The following RTN1 variants were observed in gnomAD, a reference collection of about 807,000 sequenced individuals.
RTN1 encodes reticulon 1.
In RTN1, 25 loss-of-function variants were observed where a neutral mutation model predicts 65.5. The observed-to-expected ratio is 0.38, with a 90% CI of 0.28 to 0.53. RTN1 has a LOEUF of 0.53. RTN1 is among the 20% of genes least tolerant of loss of function. The pLI is 0.79. For synonymous variants in RTN1, 471 were observed against 447.6 expected (o/e 1.05, Z -0.66); for missense variants, 983 against 1,025.4 (o/e 0.96, Z 0.57).
chr14:59,750,186 C>CTATAATAT (rs1566713277), intron 1 of RTN1, among the ~76,000 whole-genome samples: 25 of 32,302 alleles, frequency 7.7e-4, no homozygotes, highest in African/African-American at 5.3e-3. Context: ...ATATATAATA[C>CTATAATAT]ATATATTATA....
At position 59,728,249 on chromosome 14, in the gene RTN1, CTTTTTTTTTTTT is replaced by C. The variant is rs200434592; in HGVS notation, c.1016-593_1016-582del. ...TTATATTTCCAATAAGAATCAGTAT[CTTTTTTTTTTTT>C]TTTTTTTTTTTTTGCAACTAAGTGG... On this transcript the variant is annotated intron_variant, in intron 2 of 8. Coordinates refer to ENST00000267484, the MANE Select transcript of RTN1 (RefSeq NM_021136.3). Among the ~76,000 whole-genome samples the C allele has an allele frequency of 2.3e-3, 289 of 124,172 alleles. 3 individuals carry two copies. In the East Asian group the frequency reaches 0.034, roughly 14 times the overall value. The allele number at this position is 124,172 out of a possible 152,430, so 81.5% of individuals were successfully genotyped here.
chr14:59,757,226 T>G (rs573773919), intron 1 of RTN1, among the ~76,000 whole-genome samples: 1 of 152,084 alleles, frequency 6.6e-6, no homozygotes, highest in Non-Finnish European at 1.5e-5. Context: ...GAGGCTGATA[T>G]AGTTTGGCTG....
intron 1 of RTN1, among the ~76,000 whole-genome samples, chr14:59,798,950 C>T (rs2139598231): frequency 6.6e-6 from 1 of 152,104 alleles, no homozygotes; most frequent in East Asian, 1.9e-4. Context: ...ACTCCCATAA[C>T]AGTTAGTGAT....
chr14:59,860,474 C>T (rs1436256632), intron 1 of RTN1, among the ~76,000 whole-genome samples: 2 of 152,200 alleles, frequency 1.3e-5, no homozygotes, highest in East Asian at 1.9e-4. Flanking sequence ...TCTGCTAGGG[C>T]AGTGCAAAAG....
chr14:59,834,015 A>T (rs1455011441), intron 1 of RTN1, among the ~76,000 whole-genome samples: 1 of 152,196 alleles, frequency 6.6e-6, no homozygotes, highest in East Asian at 1.9e-4. Flanking sequence ...TTGCCTAAAG[A>T]TAGATAGAAA....
At chr14:59,647,409 A>G (rs1363707146) in intron 3 of RTN1, among the ~76,000 whole-genome samples, 1 of 152,218 alleles carries the variant, frequency 6.6e-6, no homozygotes, top group Non-Finnish European at 1.5e-5. Flanking sequence ...AAAATTAACA[A>G]GGATATTTCA....
rs1169725424 is a variant in RTN1 at position 59,750,295 on chromosome 14, CTATAATA to C, written c.242-3821_242-3815del. On this transcript the variant is annotated intron_variant, in intron 1 of 8. Transcript: ENST00000267484. Reference sequence around the variant, plus strand: ...CTATAATATATAATATATATAATATCTATAATATATAATATATAATATCTATAATATA... The same window carrying C: ...CTATAATATATAATATATATAATATCTATAATATATAATATCTATAATATA... Among the ~76,000 whole-genome samples, 20 of 41,328 alleles carry C rather than the reference CTATAATA, an allele frequency of 4.8e-4. 1 individual carries two copies. Among genetic ancestry groups the C allele is most frequent in the Non-Finnish European group, 6.6e-4 (17 of 25,816 alleles). The allele number at this position is 41,328 out of a possible 152,430, so 27.1% of individuals were successfully genotyped here. A position where few individuals can be genotyped will look rare whatever the true frequency, so the allele number is the denominator to read the frequency against.
At chr14:59,711,271 T>A (rs1180696608) in intron 3 of RTN1, among the ~76,000 whole-genome samples, 1 of 152,224 alleles carries the variant, frequency 6.6e-6, no homozygotes, top group Non-Finnish European at 1.5e-5. Context: ...CACAGTGATA[T>A]CACCTTCTGC....
At chr14:59,747,643 C>A (rs1457025052) in intron 1 of RTN1, among the ~76,000 whole-genome samples, 1 of 142,914 alleles carries the variant, frequency 7.0e-6, no homozygotes, top group African/African-American at 3.1e-5. Context: ...AAAAGGAAAA[C>A]CCTCCACTGT....
At chr14:59,749,651 ATATAGATATCTATATATATT>A (rs1885382801) in intron 1 of RTN1, among the ~76,000 whole-genome samples, 2 of 42,092 alleles carry the variant, frequency 4.8e-5, no homozygotes, top group African/African-American at 1.7e-4. Flanking sequence ...ATATATATTT[ATATAGATATCTATATATATT>A]TATATATCTA....
chr14:59,721,276 AGAG>A (rs1432633103), intron 3 of RTN1, among the ~76,000 whole-genome samples: 1 of 152,220 alleles, frequency 6.6e-6, no homozygotes, highest in Admixed American at 6.5e-5. Flanking sequence ...TGCTATACAC[AGAG>A]GAGGCCATGG....
At chr14:59,756,034 C>T (rs1289255982) in intron 1 of RTN1, among the ~76,000 whole-genome samples, 2 of 152,146 alleles carry the variant, frequency 1.3e-5, no homozygotes, top group African/African-American at 4.8e-5. Context: ...CCAAGATTCC[C>T]ATTGCCTAGG....
At chr14:59,749,711 A>G (rs1325343575) in intron 1 of RTN1, among the ~76,000 whole-genome samples, 6 of 87,168 alleles carry the variant, frequency 6.9e-5, no homozygotes, top group South Asian at 2.9e-4. Flanking sequence ...ATATATATCT[A>G]TATATTTATA....
intron 3 of RTN1, among the ~76,000 whole-genome samples, chr14:59,618,642 C>T (rs539261731): frequency 1.3e-5 from 2 of 152,332 alleles, no homozygotes; most frequent in African/African-American, 4.8e-5. Context: ...ACACTTGTAT[C>T]TTGGCTAGTT....
intron 3 of RTN1, among the ~76,000 whole-genome samples, chr14:59,715,989 G>A (rs1884526485): frequency 6.6e-6 from 1 of 152,112 alleles, no homozygotes; most frequent in African/African-American, 2.4e-5. Context: ...ATGTAAAAAA[G>A]ATTCAAGTAT....
intron 1 of RTN1, among the ~76,000 whole-genome samples, chr14:59,747,685 A>G (rs1214251048): frequency 6.6e-6 from 1 of 152,244 alleles, no homozygotes; most frequent in Non-Finnish European, 1.5e-5. Context: ...ACCAGAAGGT[A>G]TGAAAACCAA....
At chr14:59,666,635 A>G (rs1883381321) in intron 3 of RTN1, among the ~76,000 whole-genome samples, 1 of 152,164 alleles carries the variant, frequency 6.6e-6, no homozygotes, top group South Asian at 2.1e-4. Flanking sequence ...CCCTTCAAAA[A>G]AAATCAATGA....
At position 59,727,256 on chromosome 14, in the gene RTN1, G is replaced by A. The variant is rs1884789502; in HGVS notation, c.1428C>T (p.Ala476=). 1.3e-6 allele frequency: 2 copies of A among 1,521,622 alleles called. No homozygotes were observed. The highest frequency in any genetic ancestry group is 2.8e-5 in the African/African-American group (2 of 72,468). The allele number at this position is 1,521,622 out of a possible 1,614,324, so 94.3% of individuals were successfully genotyped here. The part of the protein sequence containing the change: ...LIIESCDASS[A]SEESPKREQD... ...GCTCCCGCTTGGGGCTCTCCTCCGA[G>A]GCCGAGGAGGCGTCGCACGACTCGA... The change falls in exon 3 of 9, where the codon GCC becomes GCT. Residue 476 remains alanine, a synonymous_variant. Coordinates refer to ENST00000267484, the MANE Select transcript of RTN1 (RefSeq NM_021136.3). This position sits in a 1 kb window ranked among gnomAD's most constrained non-coding sequence, Gnocchi z 4.2.
intron 8 of RTN1, among the ~76,000 whole-genome samples, chr14:59,598,924 G>C (rs932379206): frequency 6.6e-6 from 1 of 152,110 alleles, no homozygotes; most frequent in Admixed American, 6.6e-5. Flanking sequence ...CAGTACCCTG[G>C]TCATCTTTGT....
Sources: allele counts gnomAD v4.1 joint callset (sites outside exome capture counted in the v4.1 genomes callset), GRCh38; gene constraint gnomAD v4.1.1; non-coding constraint Gnocchi (gnomAD v3.1); transcripts MANE v1.5; gene names NCBI Gene and HGNC (gene_info 2026-07-23, HGNC 2026-07-21).